SORCS1: variants seen among roughly 807,000 people sequenced by gnomAD.
SORCS1 encodes sortilin related VPS10 domain containing receptor 1.
In SORCS1, 60 loss-of-function variants were observed where a neutral mutation model predicts 146.1. The observed-to-expected ratio is 0.41, with a 90% CI of 0.33 to 0.51. SORCS1 has a LOEUF of 0.51. Ranked by LOEUF, SORCS1 falls within the 20% of genes least tolerant of loss-of-function variation. SORCS1 has a pLI of 0.21. For synonymous variants in SORCS1, 637 were observed against 584.0 expected, an observed-to-expected ratio of 1.09 and a Z score of -1.31; for missense variants, 1,352 against 1,487.6, an observed-to-expected ratio of 0.91 and a Z score of 1.50.
At chr10:106,725,550 A>G (rs533154804) in intron 6 of SORCS1, among the ~76,000 whole-genome samples, 11 of 140,442 alleles carry the variant, frequency 7.8e-5, no homozygotes, top group Non-Finnish European at 1.7e-4. Context: ...AAACTCCATC[A>G]CATACACAAA....
At chr10:106,932,573 C>A (rs919811998) in intron 2 of SORCS1, among the ~76,000 whole-genome samples, 2 of 152,148 alleles carry the variant, frequency 1.3e-5, no homozygotes, top group Non-Finnish European at 2.9e-5. Context: ...CAAAATGACA[C>A]CTTAGCAAGA....
At chr10:107,110,597 A>C (rs1020172804) in intron 1 of SORCS1, among the ~76,000 whole-genome samples, 10 of 152,166 alleles carry the variant, frequency 6.6e-5, no homozygotes, top group African/African-American at 2.2e-4. Context: ...ATCCACCCTC[A>C]TAACCAAAAC....
intron 2 of SORCS1, among the ~76,000 whole-genome samples, chr10:106,883,055 A>C (rs1202598898): frequency 1.3e-5 from 2 of 152,234 alleles, no homozygotes; most frequent in African/African-American, 2.4e-5. Flanking sequence ...AAGAGGTTCT[A>C]CAGAAGGTGT....
intron 2 of SORCS1, among the ~76,000 whole-genome samples, chr10:106,927,616 G>T (rs907971635): frequency 2.0e-5 from 3 of 152,132 alleles, no homozygotes; most frequent in African/African-American, 7.2e-5. Context: ...AGAGCCAAGG[G>T]GTCTGTTTTG....
chr10:106,939,851 T>C (rs1487346016), intron 2 of SORCS1, among the ~76,000 whole-genome samples: 1 of 152,176 alleles, frequency 6.6e-6, no homozygotes, highest in Non-Finnish European at 1.5e-5. Flanking sequence ...ATCTTCCTCA[T>C]CCTACGATAT....
chr10:106,598,377 T>C (rs1175279586), intron 23 of SORCS1, among the ~76,000 whole-genome samples: 1 of 151,816 alleles, frequency 6.6e-6, no homozygotes, highest in East Asian at 1.9e-4. Context: ...TTCTCCTGCC[T>C]CAGCCTCCTG....
intron 11 of SORCS1, 121 bp from the exon 12 acceptor site, chr10:106,679,453 T>G (rs1852277616): frequency 2.1e-6 from 2 of 968,934 alleles, no homozygotes; most frequent in African/African-American, 3.2e-5. Flanking sequence ...GTGCAGGGGT[T>G]TTCTGCAGAC....
chr10:106,773,659 G>A (rs777376586), intron 4 of SORCS1, among the ~76,000 whole-genome samples: 18 of 152,130 alleles, frequency 1.2e-4, no homozygotes, highest in African/African-American at 3.4e-4. Context: ...CTTCAAAAAC[G>A]AGAACCCTGG....
At chr10:106,745,896 A>G (rs1290583882) in intron 5 of SORCS1, among the ~76,000 whole-genome samples, 1 of 152,198 alleles carries the variant, frequency 6.6e-6, no homozygotes, top group Non-Finnish European at 1.5e-5. Flanking sequence ...ACTCCTTGAT[A>G]TGAGGTGATG....
At chr10:106,939,861 T>C (rs1953940720) in intron 2 of SORCS1, among the ~76,000 whole-genome samples, 1 of 152,216 alleles carries the variant, frequency 6.6e-6, no homozygotes, top group African/African-American at 2.4e-5. Context: ...TCCTACGATA[T>C]AATGCCTGTT....
chr10:106,749,243 A>G (rs1037842896), intron 5 of SORCS1, among the ~76,000 whole-genome samples: 4 of 152,198 alleles, frequency 2.6e-5, no homozygotes, highest in Admixed American at 2.0e-4. Flanking sequence ...CATTTTAGTT[A>G]GAGGTAGTGA....
intron 2 of SORCS1, among the ~76,000 whole-genome samples, chr10:106,885,299 T>A (rs1589629732): frequency 6.6e-6 from 1 of 150,804 alleles, no homozygotes; most frequent in East Asian, 2.0e-4. Flanking sequence ...GGGGGGGAAC[T>A]TGAAGAAAGG....
intron 1 of SORCS1, among the ~76,000 whole-genome samples, chr10:107,146,273 C>T (rs1968317046): frequency 1.3e-5 from 2 of 152,134 alleles, no homozygotes; most frequent in South Asian, 4.2e-4. Flanking sequence ...TCTTTAGATA[C>T]AGATTTCTGT....
chr10:106,750,920 C>T (rs1410880633), intron 5 of SORCS1, among the ~76,000 whole-genome samples: 2 of 144,958 alleles, frequency 1.4e-5, no homozygotes, highest in East Asian at 2.1e-4. Flanking sequence ...ATCAGCTGGG[C>T]GTGGTGGCGG....
chr10:107,111,149 G>T (rs921436101), intron 1 of SORCS1, among the ~76,000 whole-genome samples: 60 of 152,082 alleles, frequency 3.9e-4, no homozygotes, highest in Admixed American at 1.4e-3. Context: ...TCAATGCAAG[G>T]CTACAGCGAT....
chr10:107,069,148 C>G (rs17195957), intron 1 of SORCS1, among the ~76,000 whole-genome samples: 1 of 152,070 alleles, frequency 6.6e-6, no homozygotes, highest in African/African-American at 2.4e-5. Context: ...TGAATAAGCA[C>G]GTCCAGAGGA....
intron 2 of SORCS1, among the ~76,000 whole-genome samples, chr10:106,916,024 C>A (rs1952409141): frequency 6.6e-6 from 1 of 152,288 alleles, no homozygotes; most frequent in African/African-American, 2.4e-5. Context: ...TAACCTACTT[C>A]ACCTGGTCAA....
intron 1 of SORCS1, among the ~76,000 whole-genome samples, chr10:107,000,258 C>T (rs1242874949): frequency 6.6e-6 from 1 of 152,182 alleles, no homozygotes; most frequent in Non-Finnish European, 1.5e-5. Context: ...GAACATGCTC[C>T]CATCTTTCCC....
At chr10:106,600,340 C>A in intron 23 of SORCS1, 1 of 971,624 alleles carries the variant, frequency 1.0e-6, no homozygotes, top group Non-Finnish European at 1.2e-6. Context: ...ACAGAAAGTA[C>A]GTTTCATATA....
Sources: allele counts gnomAD v4.1 joint callset (sites outside exome capture counted in the v4.1 genomes callset), GRCh38; gene constraint gnomAD v4.1.1; transcripts MANE v1.5; gene names NCBI Gene and HGNC (gene_info 2026-07-23, HGNC 2026-07-21).